The following LAPTM4B variants were observed in gnomAD, a reference collection of about 807,000 sequenced individuals.
LAPTM4B encodes the protein lysosomal-associated transmembrane protein 4B.
A neutral mutation model predicts 28.5 loss-of-function variants in LAPTM4B; 26 were observed. The observed-to-expected ratio is 0.91, with a 90% CI of 0.67 to 1.27. LAPTM4B has a LOEUF of 1.27. LAPTM4B is among the 50% of genes most tolerant of loss of function. The probability of loss-of-function intolerance (pLI) is 0.00; values close to 1 mark genes in which losing one functional copy is unlikely to be tolerated. For synonymous variants in LAPTM4B, 109 were observed against 106.4 expected (o/e 1.02, Z -0.15); for missense variants, 288 against 285.8 (o/e 1.01, Z -0.06).
chr8:97,807,487 A>G (rs1816772142), intron 2 of LAPTM4B, among the ~76,000 whole-genome samples: 2 of 152,214 alleles, frequency 1.3e-5, no homozygotes, highest in African/African-American at 4.8e-5. Flanking sequence ...GGCCTGGCCC[A>G]TAGGAAGTGC....
Position 97,779,253 on chromosome 8 carries a change from G to A in LAPTM4B, c.99+3145G>A, listed in dbSNP as rs916672678. On this transcript the variant is annotated intron_variant, in intron 1 of 6. Transcript: ENST00000521545. ...CCCAGCATTTTGGGAGGCTGAGGCG[G>A]GCAGATCATTGGAGGTCAGGAGTTC... is the stretch of plus-strand genomic sequence containing the variant. Among the ~76,000 whole-genome samples the A allele has an allele frequency of 7.2e-4, 110 of 151,974 alleles. 2 individuals carry two copies. The highest frequency in any genetic ancestry group is 7.1e-3 in the Admixed American group (108 of 15,254).
intron 2 of LAPTM4B, among the ~76,000 whole-genome samples, chr8:97,808,584 A>C (rs2129777301): frequency 6.6e-6 from 1 of 152,358 alleles, no homozygotes; most frequent in Non-Finnish European, 1.5e-5. Flanking sequence ...CACATATAAA[A>C]GAAGTTTAAA....
chr8:97,780,349 C>T (rs563600301), intron 1 of LAPTM4B, among the ~76,000 whole-genome samples: 5 of 152,180 alleles, frequency 3.3e-5, no homozygotes, highest in African/African-American at 9.6e-5. Flanking sequence ...CATTTGAACC[C>T]AGGAGGCGGA....
At chr8:97,831,097 T>A (rs1817177285) in intron 6 of LAPTM4B, among the ~76,000 whole-genome samples, 1 of 152,198 alleles carries the variant, frequency 6.6e-6, no homozygotes, top group Non-Finnish European at 1.5e-5. Context: ...TTTAAACGAC[T>A]GTTGGCCTTT....
chr8:97,785,782 GCAAT>G (rs753764074), intron 1 of LAPTM4B, among the ~76,000 whole-genome samples: 10 of 152,302 alleles, frequency 6.6e-5, no homozygotes, highest in African/African-American at 9.6e-5. Context: ...TGTGGCAATA[GCAAT>G]CAGTTTCAAC....
At chr8:97,832,264 C>T (rs947842438) in intron 6 of LAPTM4B, among the ~76,000 whole-genome samples, 10 of 152,144 alleles carry the variant, frequency 6.6e-5, no homozygotes, top group Non-Finnish European at 1.3e-4. Context: ...TTCAACTGCA[C>T]GTTCCCACCT....
At chr8:97,845,639 G>C (rs896393431) in intron 6 of LAPTM4B, among the ~76,000 whole-genome samples, 5 of 151,810 alleles carry the variant, frequency 3.3e-5, no homozygotes, top group Admixed American at 3.3e-4. Flanking sequence ...CACACCCAGT[G>C]TTAGACCTCA....
At chr8:97,792,627 T>C (rs1816519184) in intron 1 of LAPTM4B, among the ~76,000 whole-genome samples, 1 of 152,154 alleles carries the variant, frequency 6.6e-6, no homozygotes, top group Admixed American at 6.6e-5. Context: ...TAGCGCAGGC[T>C]GCATTGCAGT....
intron 1 of LAPTM4B, among the ~76,000 whole-genome samples, chr8:97,784,256 A>C (rs1012041061): frequency 2.0e-5 from 3 of 152,204 alleles, no homozygotes; most frequent in Non-Finnish European, 4.4e-5. Flanking sequence ...AGGATAGAAT[A>C]ACGGACTGAT....
chr8:97,852,913 C>T lies in LAPTM4B; in HGVS notation c.*1439C>T, dbSNP rs1586351134. The T allele has an allele frequency of 6.9e-6, 3 of 432,176 alleles. No homozygotes were observed. The highest frequency in any genetic ancestry group is 6.1e-5 in the South Asian group (2 of 32,826). The allele number at this position is 432,176 out of a possible 1,614,324, so 26.8% of individuals were successfully genotyped here. A position where few individuals can be genotyped will look rare whatever the true frequency, so the allele number is the denominator to read the frequency against. On this transcript the variant is annotated 3_prime_UTR_variant, in exon 7 of 7. Transcript: ENST00000521545. ...CAATTTCTAGAAATGAAGAACAATC[C>T]GTGGAGAATAAATTACCATTGGTGT...
At chr8:97,811,080 A>G (rs1816818823) in intron 2 of LAPTM4B, among the ~76,000 whole-genome samples, 1 of 152,242 alleles carries the variant, frequency 6.6e-6, no homozygotes, top group South Asian at 2.1e-4. Flanking sequence ...TGCCCCTTCA[A>G]AATGACCAAC....
chr8:97,798,343 C>T (rs1022681307), intron 1 of LAPTM4B, among the ~76,000 whole-genome samples: 2 of 152,108 alleles, frequency 1.3e-5, no homozygotes, highest in Admixed American at 6.6e-5. Flanking sequence ...GCCAGATTCC[C>T]ATCCAACAAT....
chr8:97,843,566 T>C (rs1436554806), intron 6 of LAPTM4B, among the ~76,000 whole-genome samples: 1 of 151,972 alleles, frequency 6.6e-6, no homozygotes, highest in African/African-American at 2.4e-5. Context: ...TCACCTGAGG[T>C]TAGGAGTTTG....
intron 4 of LAPTM4B, among the ~76,000 whole-genome samples, chr8:97,818,838 T>A (rs1816961039): frequency 7.3e-6 from 1 of 137,596 alleles, no homozygotes; most frequent in African/African-American, 2.8e-5. Flanking sequence ...GTAGCTGAGC[T>A]GGGCGACAGA....
intron 6 of LAPTM4B, among the ~76,000 whole-genome samples, chr8:97,842,516 GTTGTTTTTGTTT>G (rs1011874291): frequency 1.3e-5 from 2 of 151,972 alleles, no homozygotes; most frequent in African/African-American, 4.8e-5. Flanking sequence ...TTTTTTTGTT[GTTGTTTTTGTTT>G]TTGTTTTTGA....
chr8:97,833,064 T>G (rs947650114), intron 6 of LAPTM4B, among the ~76,000 whole-genome samples: 18 of 148,710 alleles, frequency 1.2e-4, no homozygotes, highest in Non-Finnish European at 2.4e-4. Context: ...CCAGGCACAG[T>G]GGCTCACACC....
chr8:97,807,225 C>A (rs1342074888), intron 2 of LAPTM4B, among the ~76,000 whole-genome samples: 1 of 152,130 alleles, frequency 6.6e-6, no homozygotes, highest in Non-Finnish European at 1.5e-5. Flanking sequence ...TCAATTTCCC[C>A]CTCTGCAAGA....
chr8:97,825,015 C>A, intron 5 of LAPTM4B, 43 bp from the exon 6 acceptor site: 1 of 1,063,584 alleles, frequency 9.4e-7, no homozygotes, highest in Non-Finnish European at 1.5e-6. Flanking sequence ...AAATTACCTG[C>A]AGTTTGAAAA....
chr8:97,798,854 G>A (rs1816629950), intron 1 of LAPTM4B, among the ~76,000 whole-genome samples: 1 of 152,178 alleles, frequency 6.6e-6, no homozygotes, highest in Non-Finnish European at 1.5e-5. Context: ...AAGGGTTAGA[G>A]GCCAGATGGA....
Sources: gnomAD v4.1 joint callset for allele counts (sites outside exome capture counted in the v4.1 genomes callset) on GRCh38, gnomAD v4.1.1 for gene constraint, MANE v1.5 for transcripts, NCBI Gene and HGNC (gene_info 2026-07-23, HGNC 2026-07-21) for gene names.